The following TSPAN9 variants were observed in gnomAD, a reference collection of about 807,000 sequenced individuals.
The protein encoded by TSPAN9 is tetraspanin-9.
In TSPAN9, 16 loss-of-function variants were observed where a neutral mutation model predicts 31.0. That is an observed-to-expected ratio of 0.52 (90% CI 0.35 to 0.78). TSPAN9 has a LOEUF of 0.78. Ranked by LOEUF, TSPAN9 falls within the 30% of genes least tolerant of loss-of-function variation. The pLI, the probability that TSPAN9 is intolerant of heterozygous loss-of-function variation, is 0.01. For missense variants in TSPAN9, 272 were observed against 312.5 expected, an observed-to-expected ratio of 0.87 and a Z score of 0.98; for synonymous variants, 145 against 121.6, an observed-to-expected ratio of 1.19 and a Z score of -1.27.
chr12:3,115,535 A>T (rs1157561455), intron 2 of TSPAN9, among the ~76,000 whole-genome samples: 4 of 152,176 alleles, frequency 2.6e-5, no homozygotes, highest in Non-Finnish European at 4.4e-5. Flanking sequence ...ATAGGCATTT[A>T]TTTATCCCAG....
intron 2 of TSPAN9, among the ~76,000 whole-genome samples, chr12:3,146,293 C>A (rs2098337209): frequency 6.6e-6 from 1 of 152,154 alleles, no homozygotes; most frequent in African/African-American, 2.4e-5. Context: ...AGGACAGCTT[C>A]CCCTGGGTGT....
intron 1 of TSPAN9, among the ~76,000 whole-genome samples, chr12:3,080,053 T>C: frequency 6.6e-6 from 1 of 151,586 alleles, no homozygotes; most frequent in Non-Finnish European, 1.5e-5. Flanking sequence ...CCTCCCAAAG[T>C]GTTGGGATTA....
intron 2 of TSPAN9, among the ~76,000 whole-genome samples, chr12:3,110,016 G>A (rs1464390724): frequency 6.6e-6 from 1 of 152,090 alleles, no homozygotes; most frequent in Non-Finnish European, 1.5e-5. Context: ...CTGAAAACAG[G>A]AGGTCAGGTT....
chr12:3,201,079 C>A, intron 2 of TSPAN9, 98 bp from the exon 3 acceptor site: 2 of 1,193,162 alleles, frequency 1.7e-6, no homozygotes, highest in Non-Finnish European at 2.4e-6. Flanking sequence ...GGGGCCAGAG[C>A]CGCGCCGAGG....
chr12:3,269,757 C>T (rs991161386), intron 3 of TSPAN9, among the ~76,000 whole-genome samples: 2 of 152,200 alleles, frequency 1.3e-5, no homozygotes, highest in Non-Finnish European at 2.9e-5. Context: ...ATTGCTGAGT[C>T]ACAAGCGCTC....
chr12:3,242,733 C>T (rs529568592), intron 3 of TSPAN9, among the ~76,000 whole-genome samples: 1 of 152,356 alleles, frequency 6.6e-6, no homozygotes, highest in Admixed American at 6.5e-5. Flanking sequence ...CCCAGCTCTG[C>T]CCTGAACATA....
chr12:3,093,421 C>G (rs1039727313), intron 2 of TSPAN9, among the ~76,000 whole-genome samples: 2 of 152,140 alleles, frequency 1.3e-5, no homozygotes, highest in African/African-American at 4.8e-5. Flanking sequence ...CCAGCTCACC[C>G]ATAAAAGCTG....
chr12:3,228,244 A>G (rs1332838119), intron 3 of TSPAN9, among the ~76,000 whole-genome samples: 1 of 152,146 alleles, frequency 6.6e-6, no homozygotes, highest in Non-Finnish European at 1.5e-5. Context: ...ATGCACCTGT[A>G]ATCTCAGCTA....
chr12:3,146,128 A>G lies in TSPAN9; in HGVS notation c.-17-55049A>G, dbSNP rs534477347. On this transcript the variant is annotated intron_variant, in intron 2 of 8. Coordinates refer to ENST00000011898, the MANE Select transcript of TSPAN9 (RefSeq NM_006675.5). ...CAGTCTTGTCATCTGTAAAATGAGAAGATTGGGCCAGGCGATCTTTGAGGT... is the reference window on the plus strand; with the variant it reads ...CAGTCTTGTCATCTGTAAAATGAGAGGATTGGGCCAGGCGATCTTTGAGGT... Among the ~76,000 whole-genome samples, 3 of 152,352 alleles carry G rather than the reference A, an allele frequency of 2.0e-5. No individual in the cohort carries two copies. In the East Asian group the frequency reaches 5.8e-4, roughly 29 times the overall value.
At chr12:3,111,739 G>A (rs2098318863) in intron 2 of TSPAN9, among the ~76,000 whole-genome samples, 1 of 151,188 alleles carries the variant, frequency 6.6e-6, no homozygotes, top group Non-Finnish European at 1.5e-5. Context: ...TCAGCCTCCT[G>A]AGTAGCTGGA....
intron 2 of TSPAN9, among the ~76,000 whole-genome samples, chr12:3,190,628 G>T (rs2098363870): frequency 6.6e-6 from 1 of 152,166 alleles, no homozygotes; most frequent in African/African-American, 2.4e-5. Flanking sequence ...GTGACTCTTT[G>T]TCCAGGCAGA....
intron 2 of TSPAN9, among the ~76,000 whole-genome samples, chr12:3,094,839 T>A (rs1399432316): frequency 1.4e-5 from 2 of 139,302 alleles, no homozygotes; most frequent in Non-Finnish European, 1.6e-5. Context: ...CCGGCAAAAA[T>A]CAATAATCTT....
chr12:3,254,248 T>C (rs1435051483), intron 3 of TSPAN9, among the ~76,000 whole-genome samples: 1 of 152,220 alleles, frequency 6.6e-6, no homozygotes, highest in Non-Finnish European at 1.5e-5. Context: ...AGGTGCTTAC[T>C]ACCTTCAGGA....
At chr12:3,089,189 G>A (rs1275394775) in intron 2 of TSPAN9, among the ~76,000 whole-genome samples, 9 of 148,816 alleles carry the variant, frequency 6.0e-5, no homozygotes, top group East Asian at 2.0e-4. Context: ...CTGAGATCGC[G>A]CCACTGCACT....
At chr12:3,268,007 C>T (rs902113009) in intron 3 of TSPAN9, among the ~76,000 whole-genome samples, 7 of 152,216 alleles carry the variant, frequency 4.6e-5, no homozygotes, top group Non-Finnish European at 7.4e-5. Context: ...GAAGGGTCCT[C>T]CTCACCCCCT....
chr12:3,222,500 C>T (rs2098385102), intron 3 of TSPAN9, among the ~76,000 whole-genome samples: 1 of 152,234 alleles, frequency 6.6e-6, no homozygotes, highest in African/African-American at 2.4e-5. Flanking sequence ...CACCCCATGG[C>T]ACTGCATCTG....
chr12:3,095,528 G>T (rs1314476651), intron 2 of TSPAN9, among the ~76,000 whole-genome samples: 1 of 124,360 alleles, frequency 8.0e-6, no homozygotes, highest in East Asian at 2.3e-4. Flanking sequence ...CCTCCCGGAC[G>T]GGGCGGCTGG....
At chr12:3,236,712 A>G (rs1241602004) in intron 3 of TSPAN9, among the ~76,000 whole-genome samples, 1 of 152,096 alleles carries the variant, frequency 6.6e-6, no homozygotes, top group Non-Finnish European at 1.5e-5. Context: ...TTTGTAGGGG[A>G]ATCATCTGAG....
chr12:3,198,502 C>T (rs1263277689), intron 2 of TSPAN9, among the ~76,000 whole-genome samples: 31 of 113,282 alleles, frequency 2.7e-4, no homozygotes, highest in African/African-American at 9.8e-4. Flanking sequence ...CCAGCACAGG[C>T]CACCACCAGC....
Sources: gnomAD v4.1 joint callset for allele counts (sites outside exome capture counted in the v4.1 genomes callset) on GRCh38, gnomAD v4.1.1 for gene constraint, MANE v1.5 for transcripts, NCBI Gene and HGNC (gene_info 2026-07-23, HGNC 2026-07-21) for gene names.